PCDH11X: variants seen among roughly 807,000 people sequenced by gnomAD.
The protein encoded by PCDH11X is protocadherin-11 X-linked.
In PCDH11X, 18 loss-of-function variants were observed where a neutral mutation model predicts 53.3. The ratio of observed to expected loss-of-function variants is 0.34; its 90% CI spans 0.23 to 0.50. The LOEUF (loss-of-function observed/expected upper bound fraction) is 0.50. Ranked by LOEUF, PCDH11X falls within the 20% of genes least tolerant of loss-of-function variation. The probability of loss-of-function intolerance (pLI) is 0.98; values close to 1 mark genes in which losing one functional copy is unlikely to be tolerated. For synonymous variants in PCDH11X, 279 were observed against 393.3 expected, an observed-to-expected ratio of 0.71 and a Z score of 3.44; for missense variants, 570 against 1,032.4, an observed-to-expected ratio of 0.55 and a Z score of 6.14.
intron 6 of PCDH11X, among the ~76,000 whole-genome samples, chrX:92,149,469 GTGTA>G (rs1425397578): frequency 1.5e-4 from 14 of 96,072 alleles, no homozygotes; most frequent in African/African-American, 5.2e-4. Context: ...GTGTGTGTGT[GTGTA>G]TATATGTGTG....
At chrX:92,131,424 A>C (rs1351071930) in intron 6 of PCDH11X, among the ~76,000 whole-genome samples, 1 of 111,360 alleles carries the variant, frequency 9.0e-6, no homozygotes, top group Non-Finnish European at 1.9e-5. Flanking sequence ...GAAATAACTT[A>C]ATTTTGTTCC....
At chrX:91,939,674 TAA>T (rs1468833025) in intron 6 of PCDH11X, among the ~76,000 whole-genome samples, 2 of 109,055 alleles carry the variant, frequency 1.8e-5, no homozygotes, top group Admixed American at 9.8e-5. Context: ...ACAATGCAAG[TAA>T]AAAGACAGTG....
rs182756293 is a variant in PCDH11X at position 92,422,516 on chromosome X, A to C, written c.3343+34583A>C. Among the ~76,000 whole-genome samples, 423 of 111,254 alleles carry C rather than the reference A, an allele frequency of 3.8e-3. 2 individuals are homozygous for C. Among genetic ancestry groups the C allele is most frequent in the African/African-American group, 0.013 (402 of 30,569 alleles). On this transcript the variant is annotated intron_variant, in intron 9 of 10. Coordinates refer to ENST00000682573, the MANE Select transcript of PCDH11X (RefSeq NM_032968.5). Reference sequence around the variant, plus strand: ...TCATTCCTTTTTATGGCTGAATAGTATTCCATGGTATAAAACACAATTTAT... The same window carrying C: ...TCATTCCTTTTTATGGCTGAATAGTCTTCCATGGTATAAAACACAATTTAT...
At chrX:92,331,378 C>CTCCTCCTCT (rs2069484955) in intron 8 of PCDH11X, among the ~76,000 whole-genome samples, 1 of 96,748 alleles carries the variant, frequency 1.0e-5, no homozygotes, top group African/African-American at 3.8e-5. Flanking sequence ...CCTTTTCCTC[C>CTCCTCCTCT]TCCTCCTCCT....
intron 7 of PCDH11X, among the ~76,000 whole-genome samples, chrX:92,244,776 G>A (rs1183197729): frequency 2.7e-5 from 3 of 111,680 alleles, no homozygotes; most frequent in Non-Finnish European, 5.6e-5. Flanking sequence ...GGTTTTGAGA[G>A]AGGCAGTCTG....
At chrX:92,454,521 G>A (rs1405672234) in intron 9 of PCDH11X, among the ~76,000 whole-genome samples, 1 of 107,537 alleles carries the variant, frequency 9.3e-6, no homozygotes, top group Non-Finnish European at 1.9e-5. Flanking sequence ...CTTTTTTTAA[G>A]TTTAAAAGAT....
intron 7 of PCDH11X, among the ~76,000 whole-genome samples, chrX:92,204,132 G>C (rs1390428161): frequency 9.0e-6 from 1 of 111,656 alleles, no homozygotes; most frequent in Non-Finnish European, 1.9e-5. Context: ...CTAGGTCTTG[G>C]TTCTGTGATG....
chrX:92,054,000 A>T (rs932708096), intron 6 of PCDH11X, among the ~76,000 whole-genome samples: 2 of 111,908 alleles, frequency 1.8e-5, no homozygotes, highest in Non-Finnish European at 3.8e-5. Flanking sequence ...CTAAGAAATA[A>T]TAATAAATGT....
At position 91,835,516 on chromosome X, in the gene PCDH11X, G is replaced by C. The variant is rs144734965; in HGVS notation, c.12G>C (p.Leu4Phe). The change falls in exon 5 of 11, where the codon TTG becomes TTC. Residue 4 changes from leucine to phenylalanine, a missense_variant. By Grantham distance (22) the Leu-to-Phe change is conservative. Around this residue, in one of 6 missense-constraint regions of PCDH11X, gnomAD observed 84 missense variants for 142.0 expected, o/e 0.59. Transcript: ENST00000682573. Reference sequence around the variant, plus strand: ...CAAGTGTACCTGGTATGGACTTGTTGTCCGGGACGTACATTTTCGCGGTCC... The same window carrying C: ...CAAGTGTACCTGGTATGGACTTGTTCTCCGGGACGTACATTTTCGCGGTCC... MDLLSGTYIFAVLL... is the reference protein window; with the variant it reads MDLFSGTYIFAVLL... The C allele has an allele frequency of 8.3e-7, 1 of 1,211,263 alleles. No homozygotes were observed. Among genetic ancestry groups the C allele is most frequent in the Admixed American group, 2.2e-5 (1 of 45,868 alleles).
At chrX:92,271,376 G>T (rs7883944) in intron 8 of PCDH11X, among the ~76,000 whole-genome samples, 1,531 of 111,771 alleles carry the variant, frequency 0.014, 24 homozygotes, top group African/African-American at 0.048. Context: ...CTTGAACAAA[G>T]AATTGCAAAA....
intron 6 of PCDH11X, among the ~76,000 whole-genome samples, chrX:91,984,602 G>T (rs1285698211): frequency 9.0e-6 from 1 of 110,634 alleles, no homozygotes; most frequent in Non-Finnish European, 1.9e-5. Flanking sequence ...GGCAACCTGG[G>T]AGTATTACCT....
intron 1 of PCDH11X, among the ~76,000 whole-genome samples, chrX:91,805,865 C>A (rs2563620): frequency 0.34 from 32,375 of 95,753 alleles, 4,658 homozygotes; most frequent in African/African-American, 0.54. Flanking sequence ...GATATAGGGC[C>A]AAATAAATAG....
intron 8 of PCDH11X, among the ~76,000 whole-genome samples, chrX:92,272,979 G>C (rs2067992143): frequency 8.9e-6 from 1 of 112,202 alleles, no homozygotes; most frequent in Non-Finnish European, 1.9e-5. Context: ...ACTCATTTAG[G>C]TGTAACAGCT....
intron 6 of PCDH11X, among the ~76,000 whole-genome samples, chrX:92,044,859 GA>G (rs1048962168): frequency 5.8e-5 from 6 of 103,054 alleles, no homozygotes; most frequent in African/African-American, 2.2e-4. Flanking sequence ...TGGTAGATAT[GA>G]AAATGAGTTT....
rs58772879 is a variant in PCDH11X at position 92,018,731 on chromosome X, T to A, written c.3033+139458T>A. On this transcript the variant is annotated intron_variant, in intron 6 of 10. Transcript: ENST00000682573. ...GATCTAATTATTATTTGTAGAGCCA[T>A]GTACGTGTTTGCATGTGTACACACA... Among the ~76,000 whole-genome samples the A allele has an allele frequency of 7.6e-3, 860 of 112,781 alleles. 13 individuals carry two copies. Among genetic ancestry groups the A allele is most frequent in the African/African-American group, 0.026 (809 of 31,127 alleles).
chrX:91,850,109 G>A (rs1230168786), intron 5 of PCDH11X, among the ~76,000 whole-genome samples: 1 of 111,004 alleles, frequency 9.0e-6, no homozygotes, highest in Non-Finnish European at 1.9e-5. Flanking sequence ...CAGTGTTGTA[G>A]CACCCTTATT....
chrX:91,823,967 G>T (rs1461840206), intron 4 of PCDH11X, among the ~76,000 whole-genome samples: 1 of 110,529 alleles, frequency 9.0e-6, no homozygotes, highest in Non-Finnish European at 1.9e-5. Flanking sequence ...ATTCTGGGTT[G>T]AAAATTCTTT....
At chrX:91,893,699 T>C (rs976171829) in intron 6 of PCDH11X, among the ~76,000 whole-genome samples, 13 of 110,966 alleles carry the variant, frequency 1.2e-4, no homozygotes, top group African/African-American at 3.9e-4. Context: ...AAAATCAAAG[T>C]TATCAATTTC....
At chrX:92,256,669 G>A (rs751433326) in intron 7 of PCDH11X, among the ~76,000 whole-genome samples, 1 of 111,305 alleles carries the variant, frequency 9.0e-6, no homozygotes, top group African/African-American at 3.3e-5. Context: ...TAAATAGTAA[G>A]TTCAGCATCC....
Sources: allele counts gnomAD v4.1 joint callset (sites outside exome capture counted in the v4.1 genomes callset), GRCh38; gene constraint gnomAD v4.1.1; regional missense constraint gnomAD v4.1.1; transcripts MANE v1.5; gene names NCBI Gene and HGNC (gene_info 2026-07-23, HGNC 2026-07-21).